KCND3: variants seen among roughly 807,000 people sequenced by gnomAD.
KCND3 encodes the protein potassium voltage-gated channel subfamily D member 3.
KCND3 carries 9 observed loss-of-function variants against 51.1 expected under a neutral mutation model. That is an observed-to-expected ratio of 0.18 (90% CI 0.11 to 0.31). The LOEUF (loss-of-function observed/expected upper bound fraction) is 0.31. Ranked by LOEUF, KCND3 falls within the 10% of genes least tolerant of loss-of-function variation. The pLI, the probability that KCND3 is intolerant of heterozygous loss-of-function variation, is 1.00. For synonymous variants in KCND3, 349 were observed against 368.0 expected (o/e 0.95, Z 0.59); for missense variants, 526 against 903.8 (o/e 0.58, Z 5.36).
intron 2 of KCND3, among the ~76,000 whole-genome samples, chr1:111,826,228 T>C (rs994327278): frequency 1.3e-5 from 2 of 152,236 alleles, no homozygotes; most frequent in Admixed American, 6.5e-5. Context: ...ATTTATCCAA[T>C]ATTTGCTGTA....
intron 2 of KCND3, among the ~76,000 whole-genome samples, chr1:111,853,302 T>C (rs12748970): frequency 0.14 from 21,669 of 152,126 alleles, 1,973 homozygotes; most frequent in East Asian, 0.41. Context: ...TAAAACTAAC[T>C]TTCAGGGTCG....
intron 2 of KCND3, among the ~76,000 whole-genome samples, chr1:111,861,037 T>C (rs1332676344): frequency 2.0e-5 from 3 of 152,012 alleles, no homozygotes. Flanking sequence ...AAGGGCTTCA[T>C]GGGGTCTGGC....
chr1:111,945,461 C>T (rs565212898), intron 2 of KCND3, among the ~76,000 whole-genome samples: 1 of 152,308 alleles, frequency 6.6e-6, no homozygotes, highest in Admixed American at 6.5e-5. Context: ...ACATCTATGG[C>T]CTACCCCCAT....
At chr1:111,873,289 C>G (rs1180112877) in intron 2 of KCND3, among the ~76,000 whole-genome samples, 1 of 152,188 alleles carries the variant, frequency 6.6e-6, no homozygotes, top group Non-Finnish European at 1.5e-5. Flanking sequence ...ACAGACCCTG[C>G]CCTCAGGAGA....
At chr1:111,957,894 C>T (rs1014941087) in intron 2 of KCND3, among the ~76,000 whole-genome samples, 2 of 152,174 alleles carry the variant, frequency 1.3e-5, no homozygotes, top group Admixed American at 6.5e-5. Context: ...TGTCCCTTTA[C>T]AAAATAAGTT....
At chr1:111,859,517 C>T (rs111238497) in intron 2 of KCND3, among the ~76,000 whole-genome samples, 10 of 152,338 alleles carry the variant, frequency 6.6e-5, no homozygotes, top group African/African-American at 9.6e-5. Flanking sequence ...GGAGTCACTA[C>T]TGGCAGGAAT....
intron 2 of KCND3, among the ~76,000 whole-genome samples, chr1:111,965,465 C>CACACACACACACAT (rs1673924307): frequency 2.7e-5 from 4 of 148,410 alleles, no homozygotes; most frequent in African/African-American, 9.8e-5. Flanking sequence ...CACACACACA[C>CACACACACACACAT]ACACACACAC....
chr1:111,928,859 G>A (rs770408094), intron 2 of KCND3, among the ~76,000 whole-genome samples: 20 of 152,130 alleles, frequency 1.3e-4, no homozygotes, highest in Non-Finnish European at 2.6e-4. Context: ...TCCAGTGTTC[G>A]GGATGAAAAG....
intron 6 of KCND3, 50 bp from the exon 7 acceptor site, chr1:111,777,323 G>A: frequency 6.3e-7 from 1 of 1,593,788 alleles, no homozygotes; most frequent in South Asian, 1.1e-5. Context: ...AGGGAGGAGA[G>A]AGGTAAGCCC....
At chr1:111,827,704 A>G (rs533492474) in intron 2 of KCND3, among the ~76,000 whole-genome samples, 3 of 152,222 alleles carry the variant, frequency 2.0e-5, no homozygotes, top group Non-Finnish European at 4.4e-5. Context: ...CACATCTCCA[A>G]CTGGCAAGCC....
Position 111,921,650 on chromosome 1 carries a change from C to T in KCND3, c.1106+59971G>A, listed in dbSNP as rs576731504. On this transcript the variant is annotated intron_variant, in intron 2 of 7. Coordinates refer to ENST00000302127, the MANE Select transcript of KCND3 (RefSeq NM_001378969.1). ...CTTTAGGTCTCCCACAGGCTGAACT[C>T]AACTGGATGCCAGGCACAAGGGAGG... 4.6e-5 allele frequency among the ~76,000 whole-genome samples: 7 copies of T among 152,326 alleles called. No homozygotes were observed. The South Asian group carries it at 1.2e-3, about 27-fold the overall frequency.
chr1:111,936,175 T>C (rs1014654451), intron 2 of KCND3, among the ~76,000 whole-genome samples: 1 of 152,210 alleles, frequency 6.6e-6, no homozygotes, highest in African/African-American at 2.4e-5. Flanking sequence ...GACCCCAAGT[T>C]TGAAGACTGG....
intron 2 of KCND3, among the ~76,000 whole-genome samples, chr1:111,969,299 G>A (rs902398678): frequency 6.6e-6 from 1 of 152,164 alleles, no homozygotes; most frequent in Non-Finnish European, 1.5e-5. Context: ...GAGCCCAAGA[G>A]TCTTTGGTCC....
At position 111,981,444 on chromosome 1, in the gene KCND3, C is replaced by A. The variant is rs2101993940; in HGVS notation, c.1106+177G>T. 6.6e-6 allele frequency among the ~76,000 whole-genome samples: 1 copy of A among 152,290 alleles called. No homozygotes were observed. The highest frequency in any genetic ancestry group is 1.5e-5 in the Non-Finnish European group (1 of 68,018). ...AAACTCAATTCCCAGCAAGCTACCACCCCCAAACAGATGACTCATGGGCTT... is the reference window on the plus strand; with the variant it reads ...AAACTCAATTCCCAGCAAGCTACCAACCCCAAACAGATGACTCATGGGCTT... On this transcript the variant is annotated intron_variant, in intron 2 of 7. Coordinates refer to ENST00000302127, the MANE Select transcript of KCND3 (RefSeq NM_001378969.1). This position sits in a 1 kb window ranked among gnomAD's most constrained non-coding sequence, Gnocchi z 6.2.
At chr1:111,813,944 C>A (rs1315113361) in intron 2 of KCND3, among the ~76,000 whole-genome samples, 1 of 152,152 alleles carries the variant, frequency 6.6e-6, no homozygotes, top group Non-Finnish European at 1.5e-5. Flanking sequence ...ACATCTCCCT[C>A]TGCTGGGGGC....
chr1:111,879,222 C>T (rs1489027470), intron 2 of KCND3, among the ~76,000 whole-genome samples: 4 of 152,216 alleles, frequency 2.6e-5, no homozygotes, highest in Non-Finnish European at 4.4e-5. Context: ...CTCTTTCTCT[C>T]TCTCTACATC....
chr1:111,959,966 T>G (rs1167128103), intron 2 of KCND3, among the ~76,000 whole-genome samples: 1 of 151,920 alleles, frequency 6.6e-6, no homozygotes, highest in Non-Finnish European at 1.5e-5. Context: ...TCTCACTAGA[T>G]ATGATGGTTT....
At chr1:111,786,423 G>A (rs950400000) in intron 3 of KCND3, among the ~76,000 whole-genome samples, 1 of 152,190 alleles carries the variant, frequency 6.6e-6, no homozygotes, top group East Asian at 1.9e-4. Context: ...AACTGCAGTT[G>A]ACTTCAGTGC....
chr1:111,821,268 G>A (rs1253075954), intron 2 of KCND3, among the ~76,000 whole-genome samples: 2 of 152,194 alleles, frequency 1.3e-5, no homozygotes, highest in African/African-American at 4.8e-5. Flanking sequence ...GGGTGTTAAA[G>A]GCCCAGCGAG....
Sources: allele counts gnomAD v4.1 joint callset (sites outside exome capture counted in the v4.1 genomes callset), GRCh38; gene constraint gnomAD v4.1.1; non-coding constraint Gnocchi (gnomAD v3.1); transcripts MANE v1.5; gene names NCBI Gene and HGNC (gene_info 2026-07-23, HGNC 2026-07-21).